The following USH2A variants were observed in gnomAD, a reference collection of about 807,000 sequenced individuals.
The protein encoded by USH2A is Usher syndrome 2A (autosomal recessive, mild).
A neutral mutation model predicts 538.9 loss-of-function variants in USH2A; 443 were observed. The observed-to-expected ratio is 0.82, with a 90% confidence interval of 0.76 to 0.89. USH2A has a LOEUF of 0.89. Among genes scored for constraint, USH2A ranks in the 40% least tolerant of loss-of-function variants. USH2A has a pLI of 0.00. For synonymous variants in USH2A, 2,413 were observed against 2,273.5 expected (o/e 1.06, Z -1.75); for missense variants, 6,633 against 6,324.8 (o/e 1.05, Z -1.65).
chr1:216,376,899 A>G lies in USH2A; in HGVS notation c.652-11814T>C, dbSNP rs2038832881. Reference sequence around the variant, plus strand: ...AAAACAGGGGTGAATGCTCACTTACACTGTGCATGAGTTATATCTGCTAAA... The same window carrying G: ...AAAACAGGGGTGAATGCTCACTTACGCTGTGCATGAGTTATATCTGCTAAA... On this transcript the variant is annotated intron_variant, in intron 3 of 71. Coordinates refer to ENST00000307340, the MANE Select transcript of USH2A (RefSeq NM_206933.4). Among the ~76,000 whole-genome samples the G allele has an allele frequency of 3.3e-5, 5 of 152,202 alleles. No homozygotes were observed. The South Asian group carries it at 1.0e-3, about 31-fold the overall frequency.
At chr1:216,359,891 A>T (rs988394825) in intron 4 of USH2A, among the ~76,000 whole-genome samples, 7 of 152,152 alleles carry the variant, frequency 4.6e-5, no homozygotes, top group Non-Finnish European at 1.0e-4. Context: ...CCAACAGGCC[A>T]AAAAGCCAGA....
intron 61 of USH2A, among the ~76,000 whole-genome samples, chr1:215,685,001 T>C (rs996543134): frequency 1.3e-5 from 2 of 152,110 alleles, no homozygotes; most frequent in African/African-American, 4.8e-5. Context: ...TATTTTATTT[T>C]GTCTTAATGA....
At chr1:215,732,230 T>G (rs912189990) in intron 60 of USH2A, among the ~76,000 whole-genome samples, 9 of 152,134 alleles carry the variant, frequency 5.9e-5, no homozygotes, top group Non-Finnish European at 1.2e-4. Flanking sequence ...AATCGTCAAG[T>G]TTTTGGTGTG....
At chr1:215,696,300 T>G (rs1276165898) in intron 61 of USH2A, among the ~76,000 whole-genome samples, 1 of 152,124 alleles carries the variant, frequency 6.6e-6, no homozygotes, top group Non-Finnish European at 1.5e-5. Context: ...AGAGGAGGAA[T>G]TGCTCTTGCT....
chr1:215,644,478 G>C (rs906295519), intron 67 of USH2A, among the ~76,000 whole-genome samples: 1 of 152,280 alleles, frequency 6.6e-6, no homozygotes, highest in East Asian at 1.9e-4. Context: ...ACGGCAAGGG[G>C]ACAAAGTTAA....
chr1:215,930,275 C>T (rs772497769), intron 38 of USH2A, among the ~76,000 whole-genome samples: 4 of 151,864 alleles, frequency 2.6e-5, no homozygotes, highest in African/African-American at 4.8e-5. Flanking sequence ...GTTTCTAGCT[C>T]GTCAGTATGG....
chr1:216,402,839 T>C (rs2039331375), intron 3 of USH2A, among the ~76,000 whole-genome samples: 1 of 152,078 alleles, frequency 6.6e-6, no homozygotes, highest in South Asian at 2.1e-4. Flanking sequence ...ACATACAACA[T>C]AATAAAATAT....
At chr1:216,389,181 A>G (rs1436250073) in intron 3 of USH2A, among the ~76,000 whole-genome samples, 1 of 152,214 alleles carries the variant, frequency 6.6e-6, no homozygotes. Context: ...ACCAATTCCC[A>G]TATGTGTAAC....
At chr1:215,743,815 G>A (rs1413763850) in intron 58 of USH2A, among the ~76,000 whole-genome samples, 11 of 118,780 alleles carry the variant, frequency 9.3e-5, no homozygotes, top group African/African-American at 2.2e-4. Flanking sequence ...GTGAGACTCC[G>A]CCTCCAAAAA....
intron 32 of USH2A, among the ~76,000 whole-genome samples, chr1:216,041,431 T>C (rs1261865850): frequency 6.6e-6 from 1 of 152,036 alleles, no homozygotes; most frequent in Non-Finnish European, 1.5e-5. Context: ...GGCTTCTGAA[T>C]TGAAATGCAT....
intron 21 of USH2A, among the ~76,000 whole-genome samples, chr1:216,117,972 G>GA (rs1257889678): frequency 4.0e-5 from 6 of 149,626 alleles, no homozygotes; most frequent in South Asian, 4.2e-4. Flanking sequence ...TGGTAAAAGT[G>GA]AAAAAAAAAG....
chr1:215,927,818 C>A (rs1558165905), intron 38 of USH2A, among the ~76,000 whole-genome samples: 1 of 151,950 alleles, frequency 6.6e-6, no homozygotes, highest in East Asian at 1.9e-4. Context: ...GTAAAATAGA[C>A]AATTAAACAC....
chr1:216,000,656 T>G (rs1668248125), intron 32 of USH2A, 94 bp from the exon 33 acceptor site: 1 of 1,477,176 alleles, frequency 6.8e-7, no homozygotes, highest in Non-Finnish European at 9.4e-7. Flanking sequence ...CAGAGAATTG[T>G]TAAGATAAGG....
rs570868606 is a variant in USH2A, at chr1:215,806,310, AT to A, written c.9740-7186del. ...ACTTCAGTGCATCTGTTGAGAAGAGATCCACTTTGTAAATGAGATACCAGCA... is the reference window on the plus strand; with the variant it reads ...ACTTCAGTGCATCTGTTGAGAAGAGACCACTTTGTAAATGAGATACCAGCA... On this transcript the variant is annotated intron_variant, in intron 49 of 71. Transcript: ENST00000307340. Among the ~76,000 whole-genome samples the A allele has an allele frequency of 2.5e-3, 375 of 152,166 alleles. 2 individuals are homozygous for A. The highest frequency in any genetic ancestry group is 8.7e-3 in the African/African-American group (361 of 41,530).
At chr1:215,770,705 G>A (rs1039242969) in intron 55 of USH2A, among the ~76,000 whole-genome samples, 3 of 151,980 alleles carry the variant, frequency 2.0e-5, no homozygotes, top group Non-Finnish European at 4.4e-5. Context: ...TATAATTAAC[G>A]CCCACACTAA....
At chr1:216,108,769 A>C (rs1490207499) in intron 21 of USH2A, among the ~76,000 whole-genome samples, 1 of 152,110 alleles carries the variant, frequency 6.6e-6, no homozygotes, top group Admixed American at 6.5e-5. Context: ...TTGTAAATTT[A>C]TACTTTTCAG....
rs1482225576 is a variant in USH2A, at chr1:216,232,121, G to A, written c.2825C>T (p.Pro942Leu). 4 of 1,613,188 alleles carry A rather than the reference G, an allele frequency of 2.5e-6. No individual in the cohort carries two copies. The highest frequency in any genetic ancestry group is 3.3e-5 in the Admixed American group (2 of 59,952). The stretch of plus-strand genomic sequence containing the variant: ...TGGCAGGCAGCCAGTGGCATTGCCT[G>A]GAGAAATATAAAAACCTAGAAATAA... Reference protein sequence around the residue: ...NQCQPGFYISPGNATGCLPCS... With the variant: ...NQCQPGFYISLGNATGCLPCS... Residue 942 changes from proline (P) to leucine (L), a missense_variant, in exon 14 of 72, where the codon CCA (proline) becomes CTA (leucine). Pro to Leu is a moderately conservative substitution (Grantham distance 98). Transcript: ENST00000307340.
rs927458118 is a variant in USH2A at position 215,802,083 on chromosome 1, A to G, written c.9740-2958T>C. Among the ~76,000 whole-genome samples the G allele has an allele frequency of 4.6e-5, 7 of 151,840 alleles. No homozygotes were observed. The East Asian group carries it at 5.8e-4, about 13-fold the overall frequency. On this transcript the variant is annotated intron_variant, in intron 49 of 71. Transcript: ENST00000307340. The stretch of plus-strand genomic sequence containing the variant: ...GAATATCCACATGCCAAAGAATGAT[A>G]TTGAACCCTTACTTTATACCATATA...
chr1:215,816,996 C>A lies in USH2A; in HGVS notation c.9570+1G>T. The A allele has an allele frequency of 6.2e-7, 1 of 1,612,094 alleles. No homozygotes were observed. The highest frequency in any genetic ancestry group is 8.5e-7 in the Non-Finnish European group (1 of 1,178,568). Reference sequence around the variant, plus strand: ...TCACTGATTAGTTAGAAAAGACTTACCTTAGCTTCAGAAGAATAGCAAATG... The same window carrying A: ...TCACTGATTAGTTAGAAAAGACTTAACTTAGCTTCAGAAGAATAGCAAATG... On this transcript the variant is annotated splice_donor_variant, in intron 48 of 71. Transcript: ENST00000307340. LOFTEE classifies it high-confidence loss of function.
Sources: gnomAD v4.1 joint callset for allele counts (sites outside exome capture counted in the v4.1 genomes callset) on GRCh38, gnomAD v4.1.1 for gene constraint, MANE v1.5 for transcripts, NCBI Gene and HGNC (gene_info 2026-07-23, HGNC 2026-07-21) for gene names.